The following SIPA1L2 variants were observed in gnomAD, a reference collection of about 807,000 sequenced individuals.
SIPA1L2 encodes signal induced proliferation associated 1 like 2, also known as signal-induced proliferation-associated 1-like protein 2.
Under a neutral mutation model 163.9 loss-of-function variants are expected in SIPA1L2, and 56 were observed. The observed-to-expected ratio is 0.34, with a 90% CI of 0.28 to 0.43. SIPA1L2 has a LOEUF of 0.43. Ranked by LOEUF, SIPA1L2 falls within the 20% of genes least tolerant of loss-of-function variation. SIPA1L2 has a pLI of 1.00. For missense variants in SIPA1L2, 1,974 were observed against 2,193.5 expected, an observed-to-expected ratio of 0.90 and a Z score of 2.00; for synonymous variants, 877 against 865.7, an observed-to-expected ratio of 1.01 and a Z score of -0.23.
intron 3 of SIPA1L2, among the ~76,000 whole-genome samples, chr1:232,499,812 A>ACT (rs35015002): frequency 0.37 from 56,064 of 151,872 alleles, 11,532 homozygotes; most frequent in East Asian, 0.71. Context: ...GATAGGCTTG[A>ACT]CTCTTGCTAG....
intron 5 of SIPA1L2, among the ~76,000 whole-genome samples, chr1:232,489,078 T>C (rs1350199912): frequency 1.3e-5 from 2 of 152,204 alleles, no homozygotes; most frequent in Non-Finnish European, 2.9e-5. Context: ...ATGAACCATC[T>C]GTAAAACTTT....
Position 232,616,263 on chromosome 1 carries a change from A to T in SIPA1L2, c.-319+13606T>A, listed in dbSNP as rs1333909648. On this transcript the variant is annotated intron_variant, in intron 1 of 22. Coordinates refer to ENST00000674635, the MANE Select transcript of SIPA1L2 (RefSeq NM_020808.5). ...CAACACAAGAGTTCTAACATCCAGC[A>T]TCACACAAAGCATCATAAAACCCGC... Among the ~76,000 whole-genome samples, 3 of 152,356 alleles carry T rather than the reference A, an allele frequency of 2.0e-5. No homozygotes were observed. The East Asian group carries it at 5.8e-4, about 29-fold the overall frequency.
chr1:232,467,115 G>A (rs1664560790), intron 8 of SIPA1L2, among the ~76,000 whole-genome samples: 1 of 152,162 alleles, frequency 6.6e-6, no homozygotes, highest in African/African-American at 2.4e-5. Flanking sequence ...AAAAATCGCA[G>A]GCTAACTTGT....
intron 6 of SIPA1L2, among the ~76,000 whole-genome samples, chr1:232,482,719 G>A (rs1665427460): frequency 6.6e-6 from 1 of 152,148 alleles, no homozygotes; most frequent in Non-Finnish European, 1.5e-5. Context: ...TCCAGATGGA[G>A]TATCAGTGAC....
At chr1:232,584,864 G>A (rs538009152) in intron 1 of SIPA1L2, among the ~76,000 whole-genome samples, 96 of 152,352 alleles carry the variant, frequency 6.3e-4, no homozygotes, top group African/African-American at 2.2e-3. Context: ...ATAGGCTTGA[G>A]CACTTCTGGA....
At chr1:232,557,067 A>G (rs1478554935) in intron 2 of SIPA1L2, among the ~76,000 whole-genome samples, 3 of 152,316 alleles carry the variant, frequency 2.0e-5, no homozygotes, top group South Asian at 4.1e-4. Flanking sequence ...AAAACTCATG[A>G]AGGCAGCTCA....
At chr1:232,466,906 C>T (rs905766642) in intron 8 of SIPA1L2, among the ~76,000 whole-genome samples, 1 of 152,194 alleles carries the variant, frequency 6.6e-6, no homozygotes, top group African/African-American at 2.4e-5. Flanking sequence ...TACTGAGTAG[C>T]TACCACAGAC....
At chr1:232,628,281 CAGATACTT>C (rs1276582322) in intron 1 of SIPA1L2, among the ~76,000 whole-genome samples, 2 of 152,174 alleles carry the variant, frequency 1.3e-5, no homozygotes, top group African/African-American at 2.4e-5. Context: ...ATGAATCATG[CAGATACTT>C]TAACTGCATC....
At chr1:232,564,174 GT>G in intron 2 of SIPA1L2, among the ~76,000 whole-genome samples, 1 of 102,864 alleles carries the variant, frequency 9.7e-6, no homozygotes. Context: ...GTGTGTGTGT[GT>G]GTGTGTGTGT....
chr1:232,532,480 T>C (rs896418726), intron 2 of SIPA1L2, among the ~76,000 whole-genome samples: 2 of 152,206 alleles, frequency 1.3e-5, no homozygotes, highest in Admixed American at 6.5e-5. Flanking sequence ...ACATGAAACC[T>C]TGAAATCTTC....
chr1:232,466,966 G>C (rs1664552537), intron 8 of SIPA1L2, among the ~76,000 whole-genome samples: 2 of 152,302 alleles, frequency 1.3e-5, no homozygotes, highest in South Asian at 4.1e-4. Flanking sequence ...TTGGAGTAAA[G>C]AAAGGAAGCA....
chr1:232,403,105 T>A (rs897634051), intron 21 of SIPA1L2, among the ~76,000 whole-genome samples: 1 of 152,204 alleles, frequency 6.6e-6, no homozygotes, highest in African/African-American at 2.4e-5. Context: ...CGGCGAGTTA[T>A]CCCTGCATGG....
At chr1:232,521,948 C>CT (rs1378204767) in intron 2 of SIPA1L2, among the ~76,000 whole-genome samples, 2 of 152,084 alleles carry the variant, frequency 1.3e-5, no homozygotes, top group Non-Finnish European at 2.9e-5. Flanking sequence ...GTCCTCCTGC[C>CT]TACCCCTCCC....
rs915916554 is a variant in SIPA1L2, at chr1:232,403,301, C to A, written c.4940+147G>T. ...CAGGGCAGGGAGCCAAGTAGTCCCA[C>A]TCAGTCCCTTCTCTGGATTCTTCAG... On this transcript the variant is annotated intron_variant, in intron 21 of 22. Coordinates refer to ENST00000674635, the MANE Select transcript of SIPA1L2 (RefSeq NM_020808.5). 9.3e-6 allele frequency: 10 copies of A among 1,071,206 alleles called. No individual in the cohort carries two copies. The Admixed American group carries it at 2.2e-4, about 23-fold the overall frequency. The allele number at this position is 1,071,206 out of a possible 1,614,324, so 66.4% of individuals were successfully genotyped here.
intron 1 of SIPA1L2, among the ~76,000 whole-genome samples, chr1:232,584,539 A>G (rs1573124656): frequency 6.6e-6 from 1 of 152,340 alleles, no homozygotes; most frequent in East Asian, 1.9e-4. Flanking sequence ...AAAAATGGAC[A>G]GTTTATCCTG....
chr1:232,577,839 G>A (rs1660159603), intron 1 of SIPA1L2, among the ~76,000 whole-genome samples: 1 of 152,190 alleles, frequency 6.6e-6, no homozygotes, highest in Non-Finnish European at 1.5e-5. Flanking sequence ...TTGAGATGGA[G>A]GTGAAGATGA....
chr1:232,418,946 A>G (rs547708785), intron 18 of SIPA1L2, among the ~76,000 whole-genome samples: 4 of 152,310 alleles, frequency 2.6e-5, no homozygotes, highest in Admixed American at 1.3e-4. Flanking sequence ...ATGGGGGCAC[A>G]ACAGTGGGTA....
chr1:232,465,515 CAT>C lies in SIPA1L2; in HGVS notation c.2244-101_2244-100del, dbSNP rs34840482. 155,207 of 887,250 alleles carry C rather than the reference CAT, an allele frequency of 0.17. 12,856 individuals are homozygous for C. Among genetic ancestry groups the C allele is most frequent in the Non-Finnish European group, 0.2 (113,108 of 573,164 alleles). The allele number at this position is 887,250 out of a possible 1,614,324, so 55.0% of individuals were successfully genotyped here. On this transcript the variant is annotated intron_variant, in intron 8 of 22. Coordinates refer to ENST00000674635, the MANE Select transcript of SIPA1L2 (RefSeq NM_020808.5). The surrounding 1 kb of genome is among the most constrained non-coding windows in gnomAD (Gnocchi z 4.1). ...ATATATACACACACACACACATATA[CAT>C]ACACACACACACACACATATACATA...
chr1:232,456,245 C>T (rs1663911351), intron 10 of SIPA1L2, among the ~76,000 whole-genome samples: 1 of 151,946 alleles, frequency 6.6e-6, no homozygotes, highest in African/African-American at 2.4e-5. Context: ...AGATATACAT[C>T]TAAAAATAAA....
Sources: allele counts gnomAD v4.1 joint callset (sites outside exome capture counted in the v4.1 genomes callset), GRCh38; gene constraint gnomAD v4.1.1; non-coding constraint Gnocchi (gnomAD v3.1); transcripts MANE v1.5; gene names NCBI Gene and HGNC (gene_info 2026-07-23, HGNC 2026-07-21).